The following SNAP91 variants were observed in gnomAD, a reference collection of about 807,000 sequenced individuals.
SNAP91 encodes synaptosome associated protein 91, also known as clathrin coat assembly protein AP180.
A neutral mutation model predicts 100.3 loss-of-function variants in SNAP91; 27 were observed. That is an observed-to-expected ratio of 0.27 (90% CI 0.20 to 0.37). SNAP91 has a LOEUF of 0.37. SNAP91 is among the 10% of genes least tolerant of loss of function. The pLI is 1.00. For synonymous variants in SNAP91, 404 were observed against 398.6 expected (o/e 1.01, Z -0.16); for missense variants, 986 against 1,123.7 (o/e 0.88, Z 1.75).
intron 8 of SNAP91, among the ~76,000 whole-genome samples, chr6:83,628,936 C>T (rs1047500155): frequency 2.6e-5 from 4 of 152,092 alleles, no homozygotes; most frequent in Admixed American, 2.0e-4. Context: ...GAAATCCTTG[C>T]CTACGCCAAT....
At position 83,610,686 on chromosome 6, in the gene SNAP91, C is replaced by T. The variant is rs1432975712; in HGVS notation, c.885-9G>A. The T allele has an allele frequency of 4.8e-6, 2 of 419,778 alleles. No individual in the cohort carries two copies. The allele number at this position is 419,778 out of a possible 1,614,324, so 26.0% of individuals were successfully genotyped here. A position where few individuals can be genotyped will look rare whatever the true frequency, so the allele number is the denominator to read the frequency against. ...GAGAGGGAGCACCAGATCTAAAAGG[C>T]AACATAAAAAAAAATTAAAACTGAA... is the stretch of plus-strand genomic sequence containing the variant. On this transcript the variant is annotated splice_polypyrimidine_tract_variant and intron_variant, in intron 11 of 29. Coordinates refer to ENST00000369694, the MANE Select transcript of SNAP91 (RefSeq NM_001242792.2).
intron 28 of SNAP91, among the ~76,000 whole-genome samples, chr6:83,556,935 T>C (rs1562074906): frequency 1.3e-5 from 2 of 152,218 alleles, no homozygotes; most frequent in African/African-American, 2.4e-5. Flanking sequence ...AGTTTCCTGG[T>C]AGTGAATGCC....
intron 10 of SNAP91, among the ~76,000 whole-genome samples, chr6:83,616,652 T>C (rs573036941): frequency 3.5e-4 from 53 of 152,284 alleles, no homozygotes; most frequent in African/African-American, 1.2e-3. Flanking sequence ...TGTCCAATGA[T>C]AACAGCTTTG....
chr6:83,654,302 T>G (rs2098325802), intron 7 of SNAP91, among the ~76,000 whole-genome samples: 1 of 152,196 alleles, frequency 6.6e-6, no homozygotes, highest in Admixed American at 6.5e-5. Context: ...GGGCAGAGGT[T>G]TGCCCTATGT....
rs148615883 is a variant in SNAP91 at position 83,595,938 on chromosome 6, G to A, written c.1325-1457C>T. Among the ~76,000 whole-genome samples, 450 of 152,262 alleles carry A rather than the reference G, an allele frequency of 3.0e-3. 2 individuals are homozygous for A. The highest frequency in any genetic ancestry group is 0.01 in the African/African-American group (432 of 41,544). On this transcript the variant is annotated intron_variant, in intron 16 of 29. Coordinates refer to ENST00000369694, the MANE Select transcript of SNAP91 (RefSeq NM_001242792.2). ...AACTAGATACTTACTTGGGTTAAAA[G>A]GCCCTTTACCAAATCACAAATATCC...
chr6:83,585,724 A>C (rs1237869554), intron 22 of SNAP91, among the ~76,000 whole-genome samples: 2 of 152,144 alleles, frequency 1.3e-5, no homozygotes, highest in African/African-American at 4.8e-5. Flanking sequence ...GTTATTCTAA[A>C]GGGGAGTAGC....
intron 2 of SNAP91, among the ~76,000 whole-genome samples, chr6:83,684,371 C>A (rs1455119116): frequency 2.0e-5 from 3 of 152,176 alleles, no homozygotes; most frequent in Non-Finnish European, 4.4e-5. Context: ...CAACACACAA[C>A]CTGCTTGCAA....
intron 26 of SNAP91, among the ~76,000 whole-genome samples, chr6:83,570,878 T>C (rs535454127): frequency 4.1e-4 from 62 of 152,110 alleles, no homozygotes; most frequent in African/African-American, 1.4e-3. Context: ...CAGAGGGAAA[T>C]GTGGGATGGG....
At chr6:83,663,468 T>C (rs2098603624) in intron 3 of SNAP91, among the ~76,000 whole-genome samples, 2 of 152,208 alleles carry the variant, frequency 1.3e-5, no homozygotes, top group Non-Finnish European at 2.9e-5. Context: ...GAAATAGCTT[T>C]CTTGCTGATA....
intron 2 of SNAP91, among the ~76,000 whole-genome samples, chr6:83,696,331 A>G (rs1225044280): frequency 6.6e-6 from 1 of 152,214 alleles, no homozygotes; most frequent in East Asian, 1.9e-4. Context: ...AGGCAATTAC[A>G]TATTAGGGCA....
chr6:83,620,231 G>A (rs2096657600), intron 9 of SNAP91, among the ~76,000 whole-genome samples: 1 of 152,068 alleles, frequency 6.6e-6, no homozygotes, highest in Admixed American at 6.5e-5. Flanking sequence ...TAAGTTATGA[G>A]CATTCTATTC....
chr6:83,702,419 AAGAG>A (rs1166992949), intron 2 of SNAP91, among the ~76,000 whole-genome samples: 6 of 152,196 alleles, frequency 3.9e-5, no homozygotes, highest in Admixed American at 1.3e-4. Flanking sequence ...GAAAAGCTAA[AAGAG>A]AGGTCCATGG....
chr6:83,574,424 T>C (rs752786416), intron 26 of SNAP91, among the ~76,000 whole-genome samples: 6 of 152,144 alleles, frequency 3.9e-5, no homozygotes, highest in Non-Finnish European at 5.9e-5. Flanking sequence ...GAAATCTATT[T>C]AAACCTTATA....
chr6:83,704,173 T>C (rs2099351962), intron 2 of SNAP91, among the ~76,000 whole-genome samples: 1 of 152,114 alleles, frequency 6.6e-6, no homozygotes, highest in Non-Finnish European at 1.5e-5. Flanking sequence ...ACTAAAAAGG[T>C]AAATACTCAT....
intron 2 of SNAP91, among the ~76,000 whole-genome samples, chr6:83,668,502 A>T (rs982082845): frequency 1.3e-5 from 2 of 152,206 alleles, no homozygotes; most frequent in African/African-American, 4.8e-5. Flanking sequence ...ATGCAGCCAT[A>T]AAAAATGATG....
chr6:83,608,856 G>C (rs1351125648), intron 12 of SNAP91, among the ~76,000 whole-genome samples: 1 of 152,148 alleles, frequency 6.6e-6, no homozygotes, highest in African/African-American at 2.4e-5. Context: ...TGAGCAGTGT[G>C]GATGTTGTTA....
At chr6:83,702,974 T>C (rs522115) in intron 2 of SNAP91, among the ~76,000 whole-genome samples, 11,575 of 152,122 alleles carry the variant, frequency 0.076, 540 homozygotes, top group South Asian at 0.14. Flanking sequence ...ACACTGAGCA[T>C]CTTCGAGAAT....
intron 22 of SNAP91, among the ~76,000 whole-genome samples, chr6:83,583,671 T>C (rs1282236436): frequency 6.6e-6 from 1 of 152,188 alleles, no homozygotes; most frequent in Non-Finnish European, 1.5e-5. Context: ...TTTAAGTATA[T>C]ATTCCTTTCA....
chr6:83,694,957 C>T (rs772452955), intron 2 of SNAP91, among the ~76,000 whole-genome samples: 3 of 151,894 alleles, frequency 2.0e-5, no homozygotes, highest in Non-Finnish European at 4.4e-5. Context: ...AAATTATGGG[C>T]GTACACATAC....
Sources: gnomAD v4.1 joint callset for allele counts (sites outside exome capture counted in the v4.1 genomes callset) on GRCh38, gnomAD v4.1.1 for gene constraint, MANE v1.5 for transcripts, NCBI Gene and HGNC (gene_info 2026-07-23, HGNC 2026-07-21) for gene names.